Variants in RBFOX1 observed in about 807,000 individuals in gnomAD.
The protein encoded by RBFOX1 is RNA binding fox-1 homolog 1, also known as RNA binding protein fox-1 homolog 1.
Under a neutral mutation model 57.7 loss-of-function variants are expected in RBFOX1, and 8 were observed. The observed-to-expected ratio is 0.14, with a 90% CI of 0.08 to 0.25. RBFOX1 has a LOEUF of 0.25. Ranked by LOEUF, RBFOX1 falls within the 10% of genes least tolerant of loss-of-function variation. The pLI is 1.00. For missense variants in RBFOX1, 611 were observed against 548.5 expected, an observed-to-expected ratio of 1.11 and a Z score of -1.14; for synonymous variants, 326 against 222.4, an observed-to-expected ratio of 1.47 and a Z score of -4.15.
chr16:7,170,194 G>C (rs769641842), intron 4 of RBFOX1, among the ~76,000 whole-genome samples: 1 of 152,224 alleles, frequency 6.6e-6, no homozygotes, highest in Admixed American at 6.5e-5. Context: ...ACTGTAGCAT[G>C]ATGACCAGAT....
At chr16:7,042,947 G>C (rs759142699) in intron 3 of RBFOX1, among the ~76,000 whole-genome samples, 13 of 152,084 alleles carry the variant, frequency 8.5e-5, no homozygotes, top group African/African-American at 1.2e-4. Flanking sequence ...AATAAATAAA[G>C]TGATTAAAAC....
intron 4 of RBFOX1, among the ~76,000 whole-genome samples, chr16:5,932,894 G>A (rs2059094713): frequency 1.3e-5 from 2 of 152,000 alleles, no homozygotes; most frequent in Non-Finnish European, 1.5e-5. Flanking sequence ...AAGCCATTTG[G>A]TCCATTTCCC....
chr16:5,608,756 C>G (rs1279038146), intron 3 of RBFOX1, among the ~76,000 whole-genome samples: 1 of 152,180 alleles, frequency 6.6e-6, no homozygotes. Context: ...CCTCCCATCC[C>G]CTATCCTCTG....
At chr16:5,307,434 TTAAAA>T (rs1371451576) in intron 1 of RBFOX1, among the ~76,000 whole-genome samples, 1 of 152,176 alleles carries the variant, frequency 6.6e-6, no homozygotes, top group Non-Finnish European at 1.5e-5. Context: ...CGTGGTGAAG[TTAAAA>T]TAAAACAGCA....
Position 5,700,699 on chromosome 16 carries a change from C to G in RBFOX1, c.318+101738C>G, listed in dbSNP as rs979985563. 1.1e-4 allele frequency among the ~76,000 whole-genome samples: 17 copies of G among 152,304 alleles called. No homozygotes were observed. In the South Asian group the frequency reaches 1.7e-3, roughly 15 times the overall value. On this transcript the variant is annotated intron_variant, in intron 3 of 19. Coordinates refer to the RBFOX1 transcript ENST00000641259. ...ATTGTTTTTGCCCGCTTCTGAGACT[C>G]CAATTAGATGCATGTTAGAGCTTCT...
chr16:6,691,997 C>G (rs1045906802), intron 3 of RBFOX1, among the ~76,000 whole-genome samples: 2 of 152,196 alleles, frequency 1.3e-5, no homozygotes, highest in Non-Finnish European at 2.9e-5. Flanking sequence ...TTTTCCCCTA[C>G]AGCTTTCAGA....
chr16:7,663,946 A>G (rs1225391708), intron 12 of RBFOX1, among the ~76,000 whole-genome samples: 2 of 152,188 alleles, frequency 1.3e-5, no homozygotes, highest in Admixed American at 6.5e-5. Flanking sequence ...CTTCTGGGGA[A>G]TCATTCCCTA....
downstream of RBFOX1, among the ~76,000 whole-genome samples, chr16:5,604,285 C>T (rs1461470771): frequency 6.6e-6 from 1 of 152,224 alleles, no homozygotes; most frequent in African/African-American, 2.4e-5. Context: ...GGTCATAGGT[C>T]TGGACACAGC....
intron 2 of RBFOX1, among the ~76,000 whole-genome samples, chr16:5,501,043 C>T (rs966821061): frequency 4.6e-5 from 7 of 152,050 alleles, no homozygotes; most frequent in African/African-American, 1.2e-4. Flanking sequence ...CGGCCAGGCG[C>T]GGTGTTTCAC....
chr16:6,245,388 A>G (rs1380944942), intron 1 of RBFOX1, among the ~76,000 whole-genome samples: 1 of 152,136 alleles, frequency 6.6e-6, no homozygotes, highest in Admixed American at 6.5e-5. Flanking sequence ...CTCTAAGGCC[A>G]TGTATCTGCA....
At chr16:7,217,487 T>A (rs536105537) in intron 4 of RBFOX1, among the ~76,000 whole-genome samples, 1 of 152,040 alleles carries the variant, frequency 6.6e-6, no homozygotes, top group South Asian at 2.1e-4. Flanking sequence ...GGAAGCTTTG[T>A]TCCTGGTGTT....
intron 1 of RBFOX1, among the ~76,000 whole-genome samples, chr16:5,251,486 T>C (rs138167617): frequency 0.01 from 1,560 of 152,312 alleles, 23 homozygotes; most frequent in African/African-American, 0.029. Context: ...CCACCCCTAG[T>C]ACCTGCTGTG....
chr16:5,669,872 G>C (rs1265818632), intron 3 of RBFOX1, among the ~76,000 whole-genome samples: 4 of 152,216 alleles, frequency 2.6e-5, no homozygotes, highest in African/African-American at 9.6e-5. Context: ...GTCCACAAAA[G>C]ATTTGTACAT....
intron 5 of RBFOX1, among the ~76,000 whole-genome samples, chr16:7,543,149 G>A (rs1402154608): frequency 6.6e-6 from 1 of 152,158 alleles, no homozygotes; most frequent in Non-Finnish European, 1.5e-5. Context: ...AAATCACTCA[G>A]GGTTGGTGTT....
At chr16:6,051,286 C>T (rs973624135) in intron 1 of RBFOX1, among the ~76,000 whole-genome samples, 19 of 151,954 alleles carry the variant, frequency 1.3e-4, no homozygotes, top group African/African-American at 4.6e-4. Context: ...TAATCGGCCT[C>T]TCCATCCATC....
At chr16:6,132,409 G>T (rs1039038333) in intron 1 of RBFOX1, among the ~76,000 whole-genome samples, 1 of 152,212 alleles carries the variant, frequency 6.6e-6, no homozygotes, top group African/African-American at 2.4e-5. Context: ...GGTTACCACA[G>T]GTGTGACATG....
intron 4 of RBFOX1, among the ~76,000 whole-genome samples, chr16:7,126,062 G>A (rs951142531): frequency 2.6e-5 from 4 of 152,120 alleles, no homozygotes; most frequent in Admixed American, 2.0e-4. Context: ...CAGCATGGGC[G>A]ACAGAGCCGG....
At chr16:6,821,052 A>T (rs2091210095) in intron 3 of RBFOX1, among the ~76,000 whole-genome samples, 1 of 152,352 alleles carries the variant, frequency 6.6e-6, no homozygotes, top group Admixed American at 6.5e-5. Context: ...AGATTCCTAT[A>T]TATTTCCAGT....
intron 1 of RBFOX1, among the ~76,000 whole-genome samples, chr16:6,066,383 A>G (rs893857984): frequency 6.6e-6 from 1 of 151,456 alleles, no homozygotes; most frequent in Admixed American, 6.6e-5. Context: ...AAAAAATCCA[A>G]TTTCTAAGAC....
Sources: gnomAD v4.1 joint callset for allele counts (sites outside exome capture counted in the v4.1 genomes callset) on GRCh38, gnomAD v4.1.1 for gene constraint, MANE v1.5 for transcripts, NCBI Gene and HGNC (gene_info 2026-07-23, HGNC 2026-07-21) for gene names.